MFSD6: variants seen among roughly 807,000 people sequenced by gnomAD.
MFSD6 encodes the protein major facilitator superfamily domain containing 6.
A neutral mutation model predicts 56.3 loss-of-function variants in MFSD6; 26 were observed. That is an observed-to-expected ratio of 0.46 (90% CI 0.34 to 0.64). The LOEUF (loss-of-function observed/expected upper bound fraction) is 0.64, where lower values mean the gene tolerates loss of function less well. Among genes scored for constraint, MFSD6 ranks in the 30% least tolerant of loss-of-function variants. The probability of loss-of-function intolerance (pLI) is 0.01; values close to 1 mark genes in which losing one functional copy is unlikely to be tolerated. For synonymous variants in MFSD6, 331 were observed against 366.9 expected, an observed-to-expected ratio of 0.90 and a Z score of 1.12; for missense variants, 750 against 986.2, an observed-to-expected ratio of 0.76 and a Z score of 3.21.
Position 190,436,219 on chromosome 2 carries a change from A to G in MFSD6, c.190A>G (p.Ile64Val). The change falls in exon 3 of 8, where the codon ATA becomes GTA. Residue 64 changes from isoleucine to valine, a missense_variant. Around this residue, in one of 5 missense-constraint regions of MFSD6, gnomAD observed 76 missense variants for 101.9 expected, o/e 0.75. Transcript: ENST00000392328. This position sits in a 1 kb window ranked among gnomAD's most constrained non-coding sequence, Gnocchi z 5.3. Reference protein sequence around the residue: ...IDWIEKHCVKINNDLLISKVF... With the variant: ...IDWIEKHCVKVNNDLLISKVF... ...CTGGATAGAGAAACATTGTGTTAAGATAAACAACGATCTTCTAATTTCCAA... is the reference window on the plus strand; with the variant it reads ...CTGGATAGAGAAACATTGTGTTAAGGTAAACAACGATCTTCTAATTTCCAA... The G allele has an allele frequency of 1.9e-6, 3 of 1,614,140 alleles. No homozygotes were observed. Among genetic ancestry groups the G allele is most frequent in the Non-Finnish European group, 2.5e-6 (3 of 1,179,990 alleles).
In MFSD6 at chr2:190,458,345, T is replaced by C. The variant is rs1687147728; in HGVS notation, c.1533-11413T>C. On this transcript the variant is annotated intron_variant, in intron 3 of 7. Transcript: ENST00000392328. This position sits in a 1 kb window ranked among gnomAD's most constrained non-coding sequence, Gnocchi z 5.3. ...TGAGCAGTGTCCTCGTGAGAAGAGA[T>C]TGGGGCCACAGATAGGCACAAGGGA... Among the ~76,000 whole-genome samples the C allele has an allele frequency of 6.6e-6, 1 of 152,010 alleles. No homozygotes were observed. Among genetic ancestry groups the C allele is most frequent in the African/African-American group, 2.4e-5 (1 of 41,364 alleles).
Position 190,471,834 on chromosome 2 carries a change from AC to A in MFSD6, c.1630+1985del, listed in dbSNP as rs1244671770. Among the ~76,000 whole-genome samples the A allele has an allele frequency of 6.6e-6, 1 of 151,926 alleles. No homozygotes were observed. The highest frequency in any genetic ancestry group is 1.5e-5 in the Non-Finnish European group (1 of 67,996). On this transcript the variant is annotated intron_variant, in intron 4 of 7. Coordinates refer to ENST00000392328, the MANE Select transcript of MFSD6 (RefSeq NM_017694.4). The surrounding 1 kb of genome is among the most constrained non-coding windows in gnomAD (Gnocchi z 4.7). ...CCCGCAAGTAGCCTAACTGGGAGGC[AC>A]CCCCCAGTAGGGGCAGACTGATAAC...
At chr2:190,408,734 GT>G (rs1198652558) in intron 1 of MFSD6, among the ~76,000 whole-genome samples, 1 of 151,840 alleles carries the variant, frequency 6.6e-6, no homozygotes, top group East Asian at 1.9e-4. Context: ...CGTGTCGGGT[GT>G]CATCTTTGTG....
chr2:190,411,960 T>G (rs1575810550), intron 1 of MFSD6: 1 of 985,364 alleles, frequency 1.0e-6, no homozygotes, highest in Non-Finnish European at 1.2e-6. Flanking sequence ...TGGTAGAAGG[T>G]AGGAGTTGGA....
Position 190,500,785 on chromosome 2 carries a change from A to G in MFSD6, c.*567A>G, listed in dbSNP as rs1689988113. ...AAGTTAAAGTTAAAAAATGAAGTTA[A>G]AAGTTTCATCAGAAACTTTACATAT... On this transcript the variant is annotated 3_prime_UTR_variant, in exon 8 of 8. Coordinates refer to ENST00000392328, the MANE Select transcript of MFSD6 (RefSeq NM_017694.4). This position sits in a 1 kb window ranked among gnomAD's most constrained non-coding sequence, Gnocchi z 5.3. 6.5e-6 allele frequency: 1 copy of G among 152,906 alleles called. No individual in the cohort carries two copies. The highest frequency in any genetic ancestry group is 1.9e-4 in the East Asian group (1 of 5,204). 9.5% of individuals were successfully genotyped at this position (152,906 alleles called of 1,614,324 possible).
chr2:190,416,181 A>C lies in MFSD6; in HGVS notation c.-54+768A>C, dbSNP rs1690767772. ...TAAGGTCTGAGGAACCTAAATTATAAATTTTTAATTGACATTTGATTATTT... is the reference window on the plus strand; with the variant it reads ...TAAGGTCTGAGGAACCTAAATTATACATTTTTAATTGACATTTGATTATTT... On this transcript the variant is annotated intron_variant, in intron 2 of 7. Coordinates refer to ENST00000392328, the MANE Select transcript of MFSD6 (RefSeq NM_017694.4). The surrounding 1 kb of genome is among the most constrained non-coding windows in gnomAD (Gnocchi z 4.1). 6.6e-6 allele frequency among the ~76,000 whole-genome samples: 1 copy of C among 152,200 alleles called. No homozygotes were observed.
In MFSD6 at chr2:190,498,643, C is replaced by CT. The variant is rs1689845057; in HGVS notation, c.2172+925dup. On this transcript the variant is annotated intron_variant, in intron 7 of 7. Transcript: ENST00000392328. The surrounding 1 kb of genome is among the most constrained non-coding windows in gnomAD (Gnocchi z 5.9). ...AAGATAATAAACTCACATCATTACTCTGCTCAGTCAAGAACCAGATATTGT... is the reference window on the plus strand; with the variant it reads ...AAGATAATAAACTCACATCATTACTCTTGCTCAGTCAAGAACCAGATATTGT... Among the ~76,000 whole-genome samples the CT allele has an allele frequency of 6.6e-6, 1 of 152,180 alleles. No individual in the cohort carries two copies. The highest frequency in any genetic ancestry group is 1.5e-5 in the Non-Finnish European group (1 of 68,024).
In MFSD6 at chr2:190,436,012, T is replaced by C; in HGVS notation, c.-18T>C. The stretch of plus-strand genomic sequence containing the variant: ...CAAATTCTGAAGTTTGTAAACTTGC[T>C]GATGGTGGTGGTAAGCCATGGCAGA... On this transcript the variant is annotated 5_prime_UTR_variant, in exon 3 of 8. Transcript: ENST00000392328. The surrounding 1 kb of genome is among the most constrained non-coding windows in gnomAD (Gnocchi z 5.3). The C allele has an allele frequency of 1.3e-6, 2 of 1,588,882 alleles. No individual in the cohort carries two copies. The highest frequency in any genetic ancestry group is 1.1e-5 in the South Asian group (1 of 87,928).
Position 190,469,723 on chromosome 2 carries a change from T to A in MFSD6, c.1533-35T>A, listed in dbSNP as rs746936667. ...GACTCAGTTTATTTTCCTTTGCTTTTTTTTATTTTATTTTTATTTTTTATT... is the reference window on the plus strand; with the variant it reads ...GACTCAGTTTATTTTCCTTTGCTTTATTTTATTTTATTTTTATTTTTTATT... On this transcript the variant is annotated intron_variant, in intron 3 of 7. Coordinates refer to ENST00000392328, the MANE Select transcript of MFSD6 (RefSeq NM_017694.4). This position sits in a 1 kb window ranked among gnomAD's most constrained non-coding sequence, Gnocchi z 5.3. 125 of 1,202,858 alleles carry A rather than the reference T, an allele frequency of 1.0e-4. No homozygotes were observed. The highest frequency in any genetic ancestry group is 1.2e-4 in the Non-Finnish European group (109 of 923,814). 74.5% of individuals were successfully genotyped at this position (1,202,858 alleles called of 1,614,324 possible).
chr2:190,422,912 C>A (rs1338716577), intron 2 of MFSD6, among the ~76,000 whole-genome samples: 1 of 148,700 alleles, frequency 6.7e-6, no homozygotes, highest in Non-Finnish European at 1.5e-5. Context: ...ATATTAAGTT[C>A]TTTTGTTGTA....
chr2:190,482,903 T>TTTTTTTTTTTG (rs544591315), intron 4 of MFSD6, among the ~76,000 whole-genome samples: 1,230 of 86,192 alleles, frequency 0.014, 429 homozygotes, highest in Middle Eastern at 0.022. Context: ...TTTTTTTTTT[T>TTTTTTTTTTTG]AGACGGAGTC....
chr2:190,473,672 A>AAGTC (rs1426757744), intron 4 of MFSD6, among the ~76,000 whole-genome samples: 1 of 152,206 alleles, frequency 6.6e-6, no homozygotes, highest in Non-Finnish European at 1.5e-5. Flanking sequence ...ACGAGACAGA[A>AAGTC]AGTCAGTAAG....
chr2:190,428,651 TTG>T (rs1685859415), intron 2 of MFSD6, among the ~76,000 whole-genome samples: 1 of 119,646 alleles, frequency 8.4e-6, no homozygotes, highest in Non-Finnish European at 1.9e-5. Flanking sequence ...TTAGAGATGC[TTG>T]CTTATTTATT....
In MFSD6 at chr2:190,443,873, G is replaced by C. The variant is rs1686475688; in HGVS notation, c.1532+6312G>C. Among the ~76,000 whole-genome samples, 1 of 152,052 alleles carries C rather than the reference G, an allele frequency of 6.6e-6. No homozygotes were observed. Among genetic ancestry groups the C allele is most frequent in the African/African-American group, 2.4e-5 (1 of 41,388 alleles). ...AGTTCGAGATCAGCCTGGGCAACAT[G>C]GTGAGACCTTGTCTCTACAAAAAAT... On this transcript the variant is annotated intron_variant, in intron 3 of 7. Transcript: ENST00000392328. This position sits in a 1 kb window ranked among gnomAD's most constrained non-coding sequence, Gnocchi z 4.2.
At chr2:190,446,641 T>C (rs78149470) in intron 3 of MFSD6, among the ~76,000 whole-genome samples, 1 of 152,108 alleles carries the variant, frequency 6.6e-6, no homozygotes. Context: ...AAGAAGCTAA[T>C]GAAACATGGA....
Position 190,425,241 on chromosome 2 carries a change from A to G in MFSD6, c.-54+9828A>G, listed in dbSNP as rs1480327480. 6.6e-6 allele frequency among the ~76,000 whole-genome samples: 1 copy of G among 152,158 alleles called. No individual in the cohort carries two copies. The highest frequency in any genetic ancestry group is 1.5e-5 in the Non-Finnish European group (1 of 68,004). ...ACTTATTAGTTCTAGAAGTTTATTT[A>G]TAGGTTTCTTGGGATTTTCTACCTA... On this transcript the variant is annotated intron_variant, in intron 2 of 7. Transcript: ENST00000392328. The surrounding 1 kb of genome is among the most constrained non-coding windows in gnomAD (Gnocchi z 4.3).
rs1689674611 is a variant in MFSD6 at position 190,496,337 on chromosome 2, T to A, written c.1892-1102T>A. 6.6e-6 allele frequency among the ~76,000 whole-genome samples: 1 copy of A among 152,148 alleles called. No homozygotes were observed. The highest frequency in any genetic ancestry group is 1.5e-5 in the Non-Finnish European group (1 of 68,014). On this transcript the variant is annotated intron_variant, in intron 6 of 7. Coordinates refer to ENST00000392328, the MANE Select transcript of MFSD6 (RefSeq NM_017694.4). The surrounding 1 kb of genome is among the most constrained non-coding windows in gnomAD (Gnocchi z 4.7). ...TATCAAATAATCAAAAAATAATTGA[T>A]GTTGGTGTGGATGTAGTGAAAAGGA...
rs1686275764 is a variant in MFSD6, at chr2:190,439,000, A to AT, written c.1532+1442dup. On this transcript the variant is annotated intron_variant, in intron 3 of 7. Transcript: ENST00000392328. This position sits in a 1 kb window ranked among gnomAD's most constrained non-coding sequence, Gnocchi z 5.2. ...CACCAAAGTCAGGGACTGTGTGGAT[A>AT]TTTCCTGGACCCACAGAACCCCTGA... Among the ~76,000 whole-genome samples the AT allele has an allele frequency of 2.6e-5, 4 of 152,136 alleles. No homozygotes were observed. In the South Asian group the frequency reaches 8.3e-4, roughly 32 times the overall value.
In MFSD6 at chr2:190,439,593, G is replaced by T. The variant is rs184770093; in HGVS notation, c.1532+2032G>T. 3.5e-3 allele frequency among the ~76,000 whole-genome samples: 537 copies of T among 152,272 alleles called. No homozygotes were observed. Among genetic ancestry groups the T allele is most frequent in the Middle Eastern group, 6.8e-3 (2 of 294 alleles). ...CTACTCCTTTGGTAAGCTTAGACTT[G>T]TGTGTTTCTTTCCTGTGTAGTATTA... On this transcript the variant is annotated intron_variant, in intron 3 of 7. Coordinates refer to ENST00000392328, the MANE Select transcript of MFSD6 (RefSeq NM_017694.4). This position sits in a 1 kb window ranked among gnomAD's most constrained non-coding sequence, Gnocchi z 5.8.
Sources: allele counts gnomAD v4.1 joint callset (sites outside exome capture counted in the v4.1 genomes callset), GRCh38; gene constraint gnomAD v4.1.1; regional missense constraint gnomAD v4.1.1; non-coding constraint Gnocchi (gnomAD v3.1); transcripts MANE v1.5; gene names NCBI Gene and HGNC (gene_info 2026-07-23, HGNC 2026-07-21).